Variants in FSD2 observed in about 807,000 individuals in gnomAD.
The protein encoded by FSD2 is fibronectin type III and SPRY domain containing 2.
Under a neutral mutation model 80.4 loss-of-function variants are expected in FSD2, and 71 were observed. The observed-to-expected ratio is 0.88, with a 90% CI of 0.73 to 1.08. The LOEUF (loss-of-function observed/expected upper bound fraction) is 1.08. Ranked by LOEUF, FSD2 falls within the 50% of genes least tolerant of loss-of-function variation. The probability of loss-of-function intolerance (pLI) is 0.00; values close to 1 mark genes in which losing one functional copy is unlikely to be tolerated. For missense variants in FSD2, 923 were observed against 913.8 expected, an observed-to-expected ratio of 1.01 and a Z score of -0.13; for synonymous variants, 361 against 329.5, an observed-to-expected ratio of 1.10 and a Z score of -1.03.
chr15:82,762,857 G>A (rs1170416673), intron 11 of FSD2, among the ~76,000 whole-genome samples: 1 of 152,214 alleles, frequency 6.6e-6, no homozygotes, highest in Non-Finnish European at 1.5e-5. Context: ...CATCAGCAAA[G>A]TATCAACAGA....
intron 6 of FSD2, among the ~76,000 whole-genome samples, chr15:82,772,847 CT>C (rs933882527): frequency 1.8e-4 from 27 of 151,976 alleles, no homozygotes; most frequent in African/African-American, 5.1e-4. Context: ...CTCCATAATT[CT>C]TTTTTTTCTC....
intron 11 of FSD2, among the ~76,000 whole-genome samples, chr15:82,764,155 G>A (rs1460108261): frequency 1.3e-5 from 2 of 152,132 alleles, no homozygotes; most frequent in East Asian, 1.9e-4. Flanking sequence ...AACAGGGTCT[G>A]GGGGCAGGGA....
At chr15:82,773,234 C>A (rs939928669) in intron 6 of FSD2, among the ~76,000 whole-genome samples, 1 of 152,172 alleles carries the variant, frequency 6.6e-6, no homozygotes, top group African/African-American at 2.4e-5. Flanking sequence ...TTGATCAACC[C>A]ATGTAAGAGC....
chr15:82,760,296 GT>G (rs2049262694), intron 12 of FSD2, among the ~76,000 whole-genome samples: 1 of 152,186 alleles, frequency 6.6e-6, no homozygotes, highest in Non-Finnish European at 1.5e-5. Context: ...TCTATGCACA[GT>G]TACTCCAGTT....
chr15:82,797,931 T>A (rs930588263), intron 1 of FSD2, among the ~76,000 whole-genome samples: 1 of 152,188 alleles, frequency 6.6e-6, no homozygotes, highest in Non-Finnish European at 1.5e-5. Context: ...GAGTTTAATA[T>A]TCAGAGATGT....
At chr15:82,786,363 C>T in intron 3 of FSD2, 148 bp downstream of exon 3, 1 of 644,774 alleles carries the variant, frequency 1.6e-6, no homozygotes, top group South Asian at 1.9e-5. Flanking sequence ...TATGGGAGGT[C>T]AGTGAAAGAA....
Position 82,769,869 on chromosome 15 carries a change from A to G in FSD2, c.1283T>C (p.Val428Ala). ...GTDQAEFTVT[V>A]KETYCSVTNL... ...TGTCACTGAGCAATATGTTTCTTTG[A>G]CAGTCACTGTAAACTCTGGGGAAAA... The change falls in exon 8 of 13, where the codon GTC (valine) becomes GCC (alanine). Residue 428 changes from valine (V) to alanine (A), a missense_variant. By Grantham distance (64) the Val-to-Ala change is moderately conservative. Coordinates refer to ENST00000334574, the MANE Select transcript of FSD2 (RefSeq NM_001007122.4). 1 of 1,613,924 alleles carries G rather than the reference A, an allele frequency of 6.2e-7. No homozygotes were observed. Among genetic ancestry groups the G allele is most frequent in the Non-Finnish European group, 8.5e-7 (1 of 1,179,888 alleles).
chr15:82,780,329 C>A, intron 4 of FSD2, 62 bp from the exon 5 acceptor site: 9 of 1,165,086 alleles, frequency 7.7e-6, no homozygotes, highest in Non-Finnish European at 1.1e-5. Flanking sequence ...TTTTCTTTTT[C>A]TTTCTTTCTT....
intron 12 of FSD2, among the ~76,000 whole-genome samples, chr15:82,761,145 T>A (rs2049287907): frequency 6.6e-6 from 1 of 152,170 alleles, no homozygotes; most frequent in Non-Finnish European, 1.5e-5. Flanking sequence ...AATGTGTAAA[T>A]AACCATGATA....
At chr15:82,769,703 G>C (rs369437235) in intron 8 of FSD2, 47 bp downstream of exon 8, 3 of 1,573,810 alleles carry the variant, frequency 1.9e-6, no homozygotes, top group Non-Finnish European at 2.6e-6. Flanking sequence ...TGACTCCTGT[G>C]TCCGCTTGAA....
At chr15:82,778,127 C>CATATAT (rs34527251) in intron 6 of FSD2, among the ~76,000 whole-genome samples, 10,139 of 83,636 alleles carry the variant, frequency 0.12, 757 homozygotes, top group East Asian at 0.16. Context: ...ACAAAAAAAC[C>CATATAT]ATATATATAT....
chr15:82,791,041 C>A (rs2050137179), intron 1 of FSD2, among the ~76,000 whole-genome samples: 1 of 151,692 alleles, frequency 6.6e-6, no homozygotes, highest in Non-Finnish European at 1.5e-5. Flanking sequence ...CTTTGTCACC[C>A]AGGCTGGAGT....
chr15:82,791,832 G>A (rs2050158763), intron 1 of FSD2, among the ~76,000 whole-genome samples: 1 of 152,148 alleles, frequency 6.6e-6, no homozygotes, highest in South Asian at 2.1e-4. Context: ...GAATCTTATA[G>A]TATGTGATCT....
At chr15:82,796,766 C>T (rs1294210734) in intron 1 of FSD2, among the ~76,000 whole-genome samples, 1 of 152,084 alleles carries the variant, frequency 6.6e-6, no homozygotes, top group Non-Finnish European at 1.5e-5. Flanking sequence ...ACTCTTCAGG[C>T]TATGGAATCT....
At chr15:82,794,529 C>T (rs2050217392) in intron 1 of FSD2, among the ~76,000 whole-genome samples, 1 of 152,078 alleles carries the variant, frequency 6.6e-6, no homozygotes, top group African/African-American at 2.4e-5. Context: ...TTTAAGTCTT[C>T]TATTTCCTTG....
Position 82,759,287 on chromosome 15 carries a change from AG to A in FSD2, c.*60del. ...CTTAAGTGCCAGGTTCAGCCAGCTA[AG>A]GCGTGAGCAGCTGCGAGAGGGGTAG... On this transcript the variant is annotated 3_prime_UTR_variant, in exon 13 of 13. Transcript: ENST00000334574. 6.4e-7 allele frequency: 1 copy of A among 1,565,722 alleles called. No individual in the cohort carries two copies. Among genetic ancestry groups the A allele is most frequent in the African/African-American group, 1.4e-5 (1 of 73,690 alleles).
At chr15:82,790,895 TATTA>T (rs1393842386) in intron 1 of FSD2, among the ~76,000 whole-genome samples, 12 of 151,438 alleles carry the variant, frequency 7.9e-5, no homozygotes, top group African/African-American at 7.3e-5. Context: ...CATTGTGTTT[TATTA>T]ATTCTTTTTT....
At chr15:82,780,385 A>G in intron 4 of FSD2, 118 bp from the exon 5 acceptor site, 1 of 671,510 alleles carries the variant, frequency 1.5e-6, no homozygotes, top group South Asian at 2.1e-5. Flanking sequence ...CCCAGGCTGG[A>G]GTGCAATGGC....
At chr15:82,769,448 A>G (rs2049506541) in intron 8 of FSD2, among the ~76,000 whole-genome samples, 1 of 151,692 alleles carries the variant, frequency 6.6e-6, no homozygotes, top group South Asian at 2.1e-4. Context: ...GGTGGCAGAC[A>G]CCTGTAATCC....
Sources: gnomAD v4.1 joint callset for allele counts (sites outside exome capture counted in the v4.1 genomes callset) on GRCh38, gnomAD v4.1.1 for gene constraint, MANE v1.5 for transcripts, NCBI Gene and HGNC (gene_info 2026-07-23, HGNC 2026-07-21) for gene names.